CDH18: variants seen among roughly 807,000 people sequenced by gnomAD.
CDH18 encodes the protein cadherin-18.
A neutral mutation model predicts 67.9 loss-of-function variants in CDH18; 31 were observed. The ratio of observed to expected loss-of-function variants is 0.46; its 90% CI spans 0.34 to 0.62. The LOEUF is 0.62. Among genes scored for constraint, CDH18 ranks in the 20% least tolerant of loss-of-function variants. CDH18 has a pLI of 0.01. For missense variants in CDH18, 890 were observed against 975.5 expected (o/e 0.91, Z 1.17); for synonymous variants, 362 against 347.2 (o/e 1.04, Z -0.48).
In CDH18 at chr5:20,220,055, G is replaced by T. The variant is rs539733459; in HGVS notation, c.-518+35389C>A. ...TGTTAAAATGTATACATTTCCCAAA[G>T]TAATGTATAGATTCAAAGCAATCCC... is the stretch of plus-strand genomic sequence containing the variant. On this transcript the variant is annotated intron_variant, in intron 2 of 14. Coordinates refer to the CDH18 transcript ENST00000507958. Among the ~76,000 whole-genome samples the T allele has an allele frequency of 6.6e-5, 10 of 152,024 alleles. No homozygotes were observed. The East Asian group carries it at 1.6e-3, about 24-fold the overall frequency.
chr5:19,889,168 C>T (rs1009379430), intron 2 of CDH18, among the ~76,000 whole-genome samples: 39 of 151,750 alleles, frequency 2.6e-4, no homozygotes, highest in African/African-American at 9.4e-4. Flanking sequence ...TGTACAAAGC[C>T]AATCATCAGG....
intron 2 of CDH18, among the ~76,000 whole-genome samples, chr5:19,967,818 A>G (rs1434111525): frequency 2.0e-5 from 3 of 152,148 alleles, no homozygotes; most frequent in Non-Finnish European, 4.4e-5. Flanking sequence ...CCTATTCAAT[A>G]TAGTGTTGGA....
chr5:19,722,051 G>A (rs1414265313), intron 4 of CDH18, among the ~76,000 whole-genome samples: 4 of 151,774 alleles, frequency 2.6e-5, no homozygotes, highest in Admixed American at 6.6e-5. Context: ...ATTTGTTTTT[G>A]TTTGTTTGTT....
intron 2 of CDH18, among the ~76,000 whole-genome samples, chr5:20,074,285 C>T (rs937376547): frequency 2.0e-5 from 3 of 152,014 alleles, no homozygotes; most frequent in African/African-American, 7.2e-5. Flanking sequence ...TTATCATATG[C>T]CTTGTCTCTT....
intron 1 of CDH18, among the ~76,000 whole-genome samples, chr5:20,480,636 G>A (rs57386430): frequency 0.055 from 8,358 of 152,010 alleles, 766 homozygotes; most frequent in African/African-American, 0.19. Context: ...GCTGGTCTTG[G>A]ACTCCTGACC....
intron 1 of CDH18, among the ~76,000 whole-genome samples, chr5:20,459,357 G>C (rs1751082310): frequency 6.6e-6 from 1 of 152,098 alleles, no homozygotes; most frequent in African/African-American, 2.4e-5. Flanking sequence ...TATATTTCTG[G>C]ATAAATATTC....
At chr5:19,626,043 C>A (rs1376643126) in intron 5 of CDH18, among the ~76,000 whole-genome samples, 1 of 152,268 alleles carries the variant, frequency 6.6e-6, no homozygotes, top group East Asian at 1.9e-4. Context: ...AGCCCTGTAA[C>A]ACCACAGCAT....
chr5:20,257,570 T>C (rs1340842289), intron 1 of CDH18, among the ~76,000 whole-genome samples: 1 of 152,102 alleles, frequency 6.6e-6, no homozygotes, highest in Middle Eastern at 3.2e-3. Context: ...ACAGTCTCCA[T>C]ATATAACTGC....
intron 1 of CDH18, among the ~76,000 whole-genome samples, chr5:20,419,734 C>T (rs1011554549): frequency 3.3e-5 from 5 of 150,770 alleles, no homozygotes; most frequent in Non-Finnish European, 5.9e-5. Context: ...GCCTCGGCCT[C>T]CCAAAGTTCT....
intron 2 of CDH18, among the ~76,000 whole-genome samples, chr5:20,238,038 A>C (rs1465324224): frequency 6.6e-6 from 1 of 152,028 alleles, no homozygotes; most frequent in Non-Finnish European, 1.5e-5. Context: ...AAACATGCCA[A>C]GACAATTACT....
intron 2 of CDH18, among the ~76,000 whole-genome samples, chr5:19,966,751 C>A (rs1797478475): frequency 6.6e-6 from 1 of 151,718 alleles, no homozygotes; most frequent in African/African-American, 2.4e-5. Context: ...TGCTTATTCA[C>A]CTACAATAAA....
At chr5:19,828,445 G>C (rs533437308) in intron 3 of CDH18, among the ~76,000 whole-genome samples, 1 of 152,064 alleles carries the variant, frequency 6.6e-6, no homozygotes, top group South Asian at 2.1e-4. Context: ...CAACACTGCA[G>C]GCCAATATTC....
chr5:20,369,897 C>T (rs1438057832), intron 1 of CDH18, among the ~76,000 whole-genome samples: 2 of 152,020 alleles, frequency 1.3e-5, no homozygotes, highest in Non-Finnish European at 1.5e-5. Context: ...CTGGGGTACA[C>T]GTGTAGGGTG....
chr5:19,801,028 G>A (rs981997421), intron 3 of CDH18, among the ~76,000 whole-genome samples: 1 of 152,026 alleles, frequency 6.6e-6, no homozygotes, highest in African/African-American at 2.4e-5. Context: ...TGAGGCAGGA[G>A]AATTGCCTCA....
intron 2 of CDH18, among the ~76,000 whole-genome samples, chr5:20,076,026 G>T (rs959189954): frequency 3.3e-5 from 5 of 152,020 alleles, no homozygotes; most frequent in African/African-American, 1.2e-4. Flanking sequence ...TAAAATAAAA[G>T]CCCAGACTTG....
intron 3 of CDH18, among the ~76,000 whole-genome samples, chr5:19,787,024 G>T (rs1040122812): frequency 6.6e-6 from 1 of 152,264 alleles, no homozygotes; most frequent in Non-Finnish European, 1.5e-5. Context: ...ATATTTGAGA[G>T]AAACTGATAC....
intron 1 of CDH18, among the ~76,000 whole-genome samples, chr5:20,392,916 C>T (rs1744988677): frequency 6.6e-6 from 1 of 151,748 alleles, no homozygotes; most frequent in Non-Finnish European, 1.5e-5. Flanking sequence ...AAAAATGAAA[C>T]TGAAACATAT....
Position 20,543,298 on chromosome 5 carries a change from A to G in CDH18, c.-580+32164T>C, listed in dbSNP as rs1757157321. 3.9e-5 allele frequency among the ~76,000 whole-genome samples: 6 copies of G among 152,088 alleles called. No individual in the cohort carries two copies. In the South Asian group the frequency reaches 1.2e-3, roughly 32 times the overall value. ...TCTTATTGTTAGAAGTTCAAATTTT[A>G]TATATTTTTCTATTTTTTCTCATAA... On this transcript the variant is annotated intron_variant, in intron 1 of 14. Coordinates refer to the CDH18 transcript ENST00000507958.
intron 2 of CDH18, among the ~76,000 whole-genome samples, chr5:19,994,734 TATATAGAGAGAGAGAG>T (rs1160938380): frequency 0.01 from 103 of 9,866 alleles, 1 homozygote; most frequent in Non-Finnish European, 0.014. Flanking sequence ...TATATATATA[TATATAGAGAGAGAGAG>T]AGAGAGAGAG....
Sources: gnomAD v4.1 joint callset for allele counts (sites outside exome capture counted in the v4.1 genomes callset) on GRCh38, gnomAD v4.1.1 for gene constraint, MANE v1.5 for transcripts, NCBI Gene and HGNC (gene_info 2026-07-23, HGNC 2026-07-21) for gene names.